CDH20: variants seen among roughly 807,000 people sequenced by gnomAD.
CDH20 encodes cadherin 20, also known as cadherin-20.
In CDH20, 29 loss-of-function variants were observed where a neutral mutation model predicts 74.2. The ratio of observed to expected loss-of-function variants is 0.39; its 90% CI spans 0.29 to 0.53. CDH20 has a LOEUF of 0.53. CDH20 is among the 20% of genes least tolerant of loss of function. The pLI is 0.69. For missense variants in CDH20, 988 were observed against 1,048.3 expected (o/e 0.94, Z 0.79); for synonymous variants, 469 against 405.4 (o/e 1.16, Z -1.88).
At chr18:61,531,187 T>A (rs1912623138) in intron 7 of CDH20, among the ~76,000 whole-genome samples, 1 of 152,208 alleles carries the variant, frequency 6.6e-6, no homozygotes. Flanking sequence ...AGAGAGGGAT[T>A]CCCCTCGATG....
In CDH20 at chr18:61,348,113, G is replaced by C. The variant is rs535253290; in HGVS notation, c.-153+14286G>C. 1.3e-4 allele frequency among the ~76,000 whole-genome samples: 20 copies of C among 152,206 alleles called. 1 individual carries two copies. The South Asian group carries it at 3.9e-3, about 30-fold the overall frequency. ...TAATTGATTTCATTTTTTTGGGGGG[G>C]TGGTCCACTGGAACATTTTAGGTCT... is the stretch of plus-strand genomic sequence containing the variant. On this transcript the variant is annotated intron_variant, in intron 1 of 11. Coordinates refer to ENST00000262717, the MANE Select transcript of CDH20 (RefSeq NM_031891.4).
chr18:61,436,309 T>C (rs1908834024), intron 1 of CDH20, among the ~76,000 whole-genome samples: 1 of 152,156 alleles, frequency 6.6e-6, no homozygotes, highest in Non-Finnish European at 1.5e-5. Flanking sequence ...GCTGGGTAAC[T>C]GTATGTGTAA....
chr18:61,534,867 G>T (rs1438276481), intron 7 of CDH20, among the ~76,000 whole-genome samples: 1 of 152,158 alleles, frequency 6.6e-6, no homozygotes, highest in African/African-American at 2.4e-5. Flanking sequence ...ATAGCTAAAA[G>T]AATAGATTTT....
intron 1 of CDH20, among the ~76,000 whole-genome samples, chr18:61,386,780 A>C (rs1275169310): frequency 6.6e-6 from 1 of 152,184 alleles, no homozygotes; most frequent in Non-Finnish European, 1.5e-5. Context: ...GATCTATCTC[A>C]AAACGTAAAT....
rs1555683467 is a variant in CDH20, at chr18:61,528,446, G to GAC, written c.1271+261_1271+262dup. Among the ~76,000 whole-genome samples the GAC allele has an allele frequency of 8.2e-3, 799 of 97,716 alleles. 11 individuals are homozygous for GAC. Among genetic ancestry groups the GAC allele is most frequent in the African/African-American group, 0.024 (739 of 30,786 alleles). 64.1% of individuals were successfully genotyped at this position (97,716 alleles called of 152,430 possible). On this transcript the variant is annotated intron_variant, in intron 7 of 11. Transcript: ENST00000262717. Reference sequence around the variant, plus strand: ...TTATAACTCACTTTCAATTGGTTGAGACACACACACACACACACACACACA... The same window carrying GAC: ...TTATAACTCACTTTCAATTGGTTGAGACACACACACACACACACACACACACA...
At position 61,499,353 on chromosome 18, in the gene CDH20, C is replaced by A; in HGVS notation, c.414C>A (p.Asp138Glu). 6.2e-7 allele frequency: 1 copy of A among 1,614,084 alleles called. No individual in the cohort carries two copies. Among genetic ancestry groups the A allele is most frequent in the Non-Finnish European group, 8.5e-7 (1 of 1,179,986 alleles). The change falls in exon 3 of 12, where the codon GAC becomes GAA. Residue 138 changes from aspartate (D) to glutamate (E), a missense_variant. By Grantham distance (45) the Asp-to-Glu change is conservative (BLOSUM62 2). Around this residue, in one of 2 missense-constraint regions of CDH20, gnomAD observed 613 missense variants for 755.2 expected, o/e 0.81. Coordinates refer to ENST00000262717, the MANE Select transcript of CDH20 (RefSeq NM_031891.4). ...ATACTCTAAGGGCTCAAGCCCTAGACAGGCGGACGGGCAGGCCAATGGAGC... is the reference window on the plus strand; with the variant it reads ...ATACTCTAAGGGCTCAAGCCCTAGAAAGGCGGACGGGCAGGCCAATGGAGC... ...AQYTLRAQAL[D>E]RRTGRPMEPE...
chr18:61,500,682 A>T (rs1249258492), intron 4 of CDH20, among the ~76,000 whole-genome samples, 180 bp downstream of exon 4: 6 of 152,218 alleles, frequency 3.9e-5, no homozygotes, highest in African/African-American at 1.4e-4. Context: ...TAAGAGCAGC[A>T]CTATGCATAG....
At chr18:61,343,846 C>CTGGG (rs1910031968) in intron 1 of CDH20, among the ~76,000 whole-genome samples, 1 of 152,122 alleles carries the variant, frequency 6.6e-6, no homozygotes, top group African/African-American at 2.4e-5. Context: ...TATTTTATCC[C>CTGGG]AAGGAAGCAT....
chr18:61,397,932 C>T (rs1245758010), intron 1 of CDH20, among the ~76,000 whole-genome samples: 1 of 152,176 alleles, frequency 6.6e-6, no homozygotes, highest in African/African-American at 2.4e-5. Flanking sequence ...ATGCAGAAAA[C>T]GTTTTTGTTG....
chr18:61,407,041 C>T (rs1402087546), intron 1 of CDH20, among the ~76,000 whole-genome samples: 1 of 152,204 alleles, frequency 6.6e-6, no homozygotes, highest in Non-Finnish European at 1.5e-5. Context: ...TAAAGAATAA[C>T]TGCTCCTCAA....
intron 11 of CDH20, 33 bp from the exon 12 acceptor site, chr18:61,554,157 C>G (rs1913534920): frequency 1.9e-6 from 3 of 1,584,386 alleles, no homozygotes; most frequent in Non-Finnish European, 2.6e-6. Flanking sequence ...CACATCTCCT[C>G]GGTAAACACA....
At chr18:61,374,073 A>G (rs1911129681) in intron 1 of CDH20, among the ~76,000 whole-genome samples, 1 of 152,008 alleles carries the variant, frequency 6.6e-6, no homozygotes, top group Non-Finnish European at 1.5e-5. Context: ...TCAATTCACA[A>G]TTTTCAGGCA....
intron 1 of CDH20, among the ~76,000 whole-genome samples, chr18:61,479,679 C>T (rs527416685): frequency 6.6e-6 from 1 of 151,628 alleles, no homozygotes; most frequent in Non-Finnish European, 1.5e-5. Flanking sequence ...CCCCCTAATG[C>T]TCAAAAAATC....
chr18:61,423,412 G>A (rs1363127992), intron 1 of CDH20, among the ~76,000 whole-genome samples: 1 of 152,100 alleles, frequency 6.6e-6, no homozygotes, highest in Non-Finnish European at 1.5e-5. Context: ...TTATCTGAGA[G>A]TCATAGTTTC....
intron 10 of CDH20, among the ~76,000 whole-genome samples, chr18:61,545,796 G>A (rs1399797503): frequency 6.6e-6 from 1 of 152,184 alleles, no homozygotes; most frequent in Non-Finnish European, 1.5e-5. Flanking sequence ...TTTTGGCACT[G>A]AAACAGCTTT....
chr18:61,481,107 T>A lies in CDH20; in HGVS notation c.-152-9295T>A, dbSNP rs139957458. Among the ~76,000 whole-genome samples, 210 of 152,326 alleles carry A rather than the reference T, an allele frequency of 1.4e-3. 6 individuals carry two copies. The East Asian group carries it at 0.038, about 28-fold the overall frequency. ...GTTAATATTTACTGAGCACCTAGTA[T>A]GTGCCAAGTACTGCCCATAGATACA... On this transcript the variant is annotated intron_variant, in intron 1 of 11. Transcript: ENST00000262717.
At chr18:61,517,692 TTTTTTGTTG>T (rs1165125853) in intron 6 of CDH20, among the ~76,000 whole-genome samples, 33 of 692 alleles carry the variant, frequency 0.048, no homozygotes, top group African/African-American at 0.099. Context: ...AGCTGCAGTT[TTTTTTGTTG>T]TTGTTGTTGT....
At chr18:61,454,805 T>A (rs1909517375) in intron 1 of CDH20, among the ~76,000 whole-genome samples, 1 of 152,228 alleles carries the variant, frequency 6.6e-6, no homozygotes, top group Admixed American at 6.5e-5. Flanking sequence ...ATGTGAACAA[T>A]GCCCCTGCAG....
At chr18:61,344,483 CTATT>C (rs1366464033) in intron 1 of CDH20, among the ~76,000 whole-genome samples, 1 of 152,156 alleles carries the variant, frequency 6.6e-6, no homozygotes, top group East Asian at 1.9e-4. Context: ...CAGGGATGCA[CTATT>C]TAATTTGAAA....
Sources: gnomAD v4.1 joint callset for allele counts (sites outside exome capture counted in the v4.1 genomes callset) on GRCh38, gnomAD v4.1.1 for gene constraint, gnomAD v4.1.1 regional missense constraint, MANE v1.5 for transcripts, NCBI Gene and HGNC (gene_info 2026-07-23, HGNC 2026-07-21) for gene names.